Variants in MYO3B observed in about 807,000 individuals in gnomAD.
MYO3B encodes the protein myosin-IIIb.
MYO3B carries 156 observed loss-of-function variants against 174.6 expected under a neutral mutation model. That is an observed-to-expected ratio of 0.89 (90% CI 0.78 to 1.02). The LOEUF is 1.02. MYO3B is among the 50% of genes least tolerant of loss of function. The pLI, the probability that MYO3B is intolerant of heterozygous loss-of-function variation, is 0.00. For missense variants in MYO3B, 1,632 were observed against 1,639.4 expected (o/e 1.00, Z 0.08); for synonymous variants, 563 against 569.1 (o/e 0.99, Z 0.15).
intron 7 of MYO3B, among the ~76,000 whole-genome samples, chr2:170,295,143 C>T (rs949797225): frequency 5.9e-5 from 9 of 151,530 alleles, no homozygotes; most frequent in Non-Finnish European, 1.2e-4. Flanking sequence ...TTAAATCTCC[C>T]TCCTTTCAAT....
chr2:170,612,318 G>A (rs866837001), intron 32 of MYO3B, among the ~76,000 whole-genome samples: 18 of 152,248 alleles, frequency 1.2e-4, no homozygotes, highest in African/African-American at 4.3e-4. Context: ...TCTTGGGAAA[G>A]GAAGCTTGGC....
intron 8 of MYO3B, among the ~76,000 whole-genome samples, chr2:170,337,585 G>A (rs1430957008): frequency 3.3e-5 from 5 of 152,112 alleles, no homozygotes; most frequent in Non-Finnish European, 5.9e-5. Flanking sequence ...TGTACACAAC[G>A]CAGTTGACTC....
At chr2:170,343,028 CT>C in intron 8 of MYO3B, among the ~76,000 whole-genome samples, 1 of 118,550 alleles carries the variant, frequency 8.4e-6, no homozygotes, top group South Asian at 3.2e-4. Context: ...GTTCGGGCCT[CT>C]AACACACACA....
At chr2:170,483,432 G>C (rs1685828679) in intron 25 of MYO3B, among the ~76,000 whole-genome samples, 1 of 107,398 alleles carries the variant, frequency 9.3e-6, no homozygotes, top group Non-Finnish European at 1.6e-5. Context: ...TGTCGCCCAG[G>C]CTGGAGTGCA....
At chr2:170,398,214 ACT>A (rs34678614) in intron 16 of MYO3B, among the ~76,000 whole-genome samples, 32,280 of 140,430 alleles carry the variant, frequency 0.23, 4,590 homozygotes, top group Non-Finnish European at 0.31. Context: ...CAAGAGCAAA[ACT>A]CTGTCTCAAA....
chr2:170,427,191 T>A (rs1458030847), intron 22 of MYO3B, among the ~76,000 whole-genome samples: 1 of 152,168 alleles, frequency 6.6e-6, no homozygotes, highest in Non-Finnish European at 1.5e-5. Flanking sequence ...CTAGAATTAG[T>A]GTAGAGTTGT....
intron 27 of MYO3B, among the ~76,000 whole-genome samples, chr2:170,500,282 A>G (rs56722816): frequency 0.056 from 8,478 of 152,242 alleles, 779 homozygotes; most frequent in African/African-American, 0.19. Flanking sequence ...AGATAGTTTT[A>G]AGGGAAGATT....
At chr2:170,485,751 A>G (rs1686011493) in intron 25 of MYO3B, among the ~76,000 whole-genome samples, 1 of 152,184 alleles carries the variant, frequency 6.6e-6, no homozygotes, top group Non-Finnish European at 1.5e-5. Context: ...CCAAGAGAAA[A>G]TGATGTGCTC....
At chr2:170,343,999 T>C (rs1467180889) in intron 8 of MYO3B, among the ~76,000 whole-genome samples, 1 of 152,256 alleles carries the variant, frequency 6.6e-6, no homozygotes, top group East Asian at 1.9e-4. Context: ...ACATATGTAC[T>C]GCTGGTGTGG....
chr2:170,524,769 G>A, intron 30 of MYO3B: 2 of 290,166 alleles, frequency 6.9e-6, no homozygotes, highest in Non-Finnish European at 1.4e-5. Context: ...ATAGGCATGA[G>A]CCACCGTGCC....
chr2:170,474,118 G>A (rs780764317), intron 25 of MYO3B, among the ~76,000 whole-genome samples: 5 of 151,918 alleles, frequency 3.3e-5, no homozygotes, highest in African/African-American at 4.8e-5. Flanking sequence ...CTTGTATCAG[G>A]TTTCTTTTTC....
chr2:170,207,810 C>T (rs1222138356), intron 3 of MYO3B, among the ~76,000 whole-genome samples: 1 of 152,078 alleles, frequency 6.6e-6, no homozygotes, highest in Non-Finnish European at 1.5e-5. Context: ...TGGTTCCCTT[C>T]TCTTCCTAGC....
At chr2:170,402,812 C>T in intron 18 of MYO3B, 36 bp from the exon 19 acceptor site, 1 of 1,552,944 alleles carries the variant, frequency 6.4e-7, no homozygotes, top group Non-Finnish European at 8.8e-7. Flanking sequence ...TGGGTGTTTC[C>T]TCCCCTAAAG....
chr2:170,249,581 C>A (rs1283045064), intron 7 of MYO3B, among the ~76,000 whole-genome samples: 1 of 152,032 alleles, frequency 6.6e-6, no homozygotes, highest in Non-Finnish European at 1.5e-5. Flanking sequence ...TATTTCAAAT[C>A]AAAAAACAAG....
chr2:170,519,972 CAAAAA>C (rs11315187), intron 30 of MYO3B: 19 of 92,340 alleles, frequency 2.1e-4, no homozygotes, highest in African/African-American at 4.4e-4. Context: ...GACTCTGTCT[CAAAAA>C]AAAAAAAAAA....
At position 170,445,641 on chromosome 2, in the gene MYO3B, A is replaced by AT. The variant is rs540933284; in HGVS notation, c.2730+1606dup. Among the ~76,000 whole-genome samples, 305 of 139,976 alleles carry AT rather than the reference A, an allele frequency of 2.2e-3. No individual in the cohort carries two copies. The South Asian group carries it at 0.024, about 11-fold the overall frequency. The allele number at this position is 139,976 out of a possible 152,430, so 91.8% of individuals were successfully genotyped here. A position where few individuals can be genotyped will look rare whatever the true frequency, so the allele number is the denominator to read the frequency against. ...AGGCGCTCGCCACCACACCTGGCCC[A>AT]TTTTTTTTTTTAGACAAGTTCTCAC... On this transcript the variant is annotated intron_variant, in intron 23 of 34. Transcript: ENST00000408978.
At chr2:170,563,663 A>G (rs1394051651) in intron 32 of MYO3B, among the ~76,000 whole-genome samples, 1 of 152,200 alleles carries the variant, frequency 6.6e-6, no homozygotes, top group Non-Finnish European at 1.5e-5. Flanking sequence ...TATTTTCCTC[A>G]TATCACCAGA....
intron 23 of MYO3B, among the ~76,000 whole-genome samples, chr2:170,447,772 C>T (rs1164945023): frequency 1.3e-5 from 2 of 152,174 alleles, no homozygotes; most frequent in African/African-American, 2.4e-5. Context: ...AAATCAGTCT[C>T]CTCGAGTAGT....
At chr2:170,445,857 C>T (rs1430508619) in intron 23 of MYO3B, among the ~76,000 whole-genome samples, 6 of 152,290 alleles carry the variant, frequency 3.9e-5, no homozygotes, top group South Asian at 2.1e-4. Flanking sequence ...ATGCTGGTCT[C>T]GAACTCCTGG....
Sources: gnomAD v4.1 joint callset for allele counts (sites outside exome capture counted in the v4.1 genomes callset) on GRCh38, gnomAD v4.1.1 for gene constraint, MANE v1.5 for transcripts, NCBI Gene and HGNC (gene_info 2026-07-23, HGNC 2026-07-21) for gene names.